Variants in STPG4 observed in about 807,000 individuals in gnomAD.
STPG4 encodes protein STPG4.
In STPG4, 41 loss-of-function variants were observed where a neutral mutation model predicts 31.5. That is an observed-to-expected ratio of 1.30 (90% CI 1.01 to 1.69). The LOEUF (loss-of-function observed/expected upper bound fraction) is 1.69, where lower values mean the gene tolerates loss of function less well. Among genes scored for constraint, STPG4 ranks in the 40% most tolerant of loss-of-function variants. The pLI, the probability that STPG4 is intolerant of heterozygous loss-of-function variation, is 0.00. For synonymous variants in STPG4, 141 were observed against 103.0 expected (o/e 1.37, Z -2.24); for missense variants, 375 against 293.4 (o/e 1.28, Z -2.03).
intron 3 of STPG4, among the ~76,000 whole-genome samples, chr2:47,135,530 G>A (rs1189634605): frequency 6.6e-6 from 1 of 152,048 alleles, no homozygotes; most frequent in Non-Finnish European, 1.5e-5. Flanking sequence ...AGGATTACAG[G>A]CACCCGCCAC....
intron 5 of STPG4, among the ~76,000 whole-genome samples, chr2:47,120,504 T>C (rs1686246166): frequency 6.6e-6 from 1 of 152,030 alleles, no homozygotes; most frequent in African/African-American, 2.4e-5. Context: ...GAGGTGGAGC[T>C]TGCAGTGAGC....
chr2:47,088,577 G>C (rs999609776), intron 6 of STPG4, among the ~76,000 whole-genome samples: 2 of 152,202 alleles, frequency 1.3e-5, no homozygotes, highest in Non-Finnish European at 2.9e-5. Flanking sequence ...GTCTCTCTAA[G>C]ACAAAGAGGC....
intron 5 of STPG4, among the ~76,000 whole-genome samples, chr2:47,111,382 A>G (rs923005954): frequency 6.6e-6 from 1 of 152,240 alleles, no homozygotes; most frequent in African/African-American, 2.4e-5. Context: ...TTCAGGAGGG[A>G]ATAAAATCAT....
chr2:47,103,928 T>C (rs112039642), intron 5 of STPG4, among the ~76,000 whole-genome samples: 1 of 151,968 alleles, frequency 6.6e-6, no homozygotes, highest in African/African-American at 2.4e-5. Context: ...TCAAGATCCA[T>C]TACCATCTGA....
intron 5 of STPG4, among the ~76,000 whole-genome samples, chr2:47,106,961 C>T (rs1222435939): frequency 6.6e-6 from 1 of 152,042 alleles, no homozygotes; most frequent in East Asian, 1.9e-4. Flanking sequence ...GGCACTTCCA[C>T]TGGCCTAGAG....
At chr2:47,091,959 T>C (rs1177618072) in intron 5 of STPG4, among the ~76,000 whole-genome samples, 1 of 150,456 alleles carries the variant, frequency 6.6e-6, no homozygotes, top group African/African-American at 2.5e-5. Context: ...CAGTCCAGTG[T>C]TGATGAGTTT....
intron 3 of STPG4, among the ~76,000 whole-genome samples, chr2:47,135,474 C>T (rs753955904): frequency 3.4e-4 from 51 of 152,102 alleles, no homozygotes; most frequent in Non-Finnish European, 5.3e-4. Flanking sequence ...GCAACCTGCA[C>T]CTCCCAGGTT....
intron 5 of STPG4, among the ~76,000 whole-genome samples, chr2:47,102,215 A>G (rs559483645): frequency 9.9e-5 from 15 of 151,538 alleles, no homozygotes; most frequent in Non-Finnish European, 1.8e-4. Flanking sequence ...TATTCCAATC[A>G]GCAGGGTCCA....
chr2:47,153,995 GAACAC>G (rs1049470023), intron 1 of STPG4, among the ~76,000 whole-genome samples: 29 of 152,226 alleles, frequency 1.9e-4, no homozygotes, highest in African/African-American at 6.5e-4. Context: ...ATTGTCCACA[GAACAC>G]AACCGTTTAG....
At position 47,141,325 on chromosome 2, in the gene STPG4, CA is replaced by C. The variant is rs57032767; in HGVS notation, c.399+9932del. On this transcript the variant is annotated intron_variant, in intron 3 of 6. Transcript: ENST00000445927. ...AGAAATAAACAACATGGGACTTTCT[CA>C]AAAAAAAAAAAAAAAGAAGAAAGAA... 6.2e-3 allele frequency among the ~76,000 whole-genome samples: 725 copies of C among 116,214 alleles called. 3 individuals are homozygous for C. The highest frequency in any genetic ancestry group is 0.04 in the East Asian group (181 of 4,498). 76.2% of individuals were successfully genotyped at this position (116,214 alleles called of 152,430 possible).
At position 47,144,348 on chromosome 2, in the gene STPG4, A is replaced by T. The variant is rs1042130480; in HGVS notation, c.399+6910T>A. ...ACCACAGGGGATGGCTGAATATATT[A>T]GGATATGTCCATATACAAGAAAACT... On this transcript the variant is annotated intron_variant, in intron 3 of 6. Coordinates refer to ENST00000445927, the MANE Select transcript of STPG4 (RefSeq NM_001163561.2). 2.6e-5 allele frequency among the ~76,000 whole-genome samples: 4 copies of T among 152,284 alleles called. 1 individual carries two copies. In the East Asian group the frequency reaches 5.8e-4, roughly 22 times the overall value.
intron 5 of STPG4, among the ~76,000 whole-genome samples, chr2:47,099,600 C>A (rs1037385360): frequency 6.6e-6 from 1 of 152,272 alleles, no homozygotes; most frequent in Non-Finnish European, 1.5e-5. Context: ...TCGCTCTCGG[C>A]GCCTCCTCTG....
rs200093381 is a variant in STPG4, at chr2:47,155,237, G to A, written c.15C>T (p.Ala5=). ...TTATTGAGGTGGAAGCGGTGGCGAC[G>A]GCTGGCTGGTCCATGGTGGCCTCCT... MDQP[A]VATASTSIRE... Residue 5 remains alanine (A), a synonymous_variant, in exon 1 of 7, where the codon GCC becomes GCT. Coordinates refer to ENST00000445927, the MANE Select transcript of STPG4 (RefSeq NM_001163561.2). 7 of 1,614,090 alleles carry A rather than the reference G, an allele frequency of 4.3e-6. No homozygotes were observed. In the East Asian group the frequency reaches 1.1e-4, roughly 26 times the overall value.
intron 4 of STPG4, 61 bp downstream of exon 4, chr2:47,130,135 G>A: frequency 6.6e-7 from 1 of 1,518,690 alleles, no homozygotes; most frequent in Middle Eastern, 1.7e-4. Context: ...TTAAAAGCCA[G>A]GAGTATTGGC....
rs564835603 is a variant in STPG4, at chr2:47,090,421, A to G, written c.520-47T>C. On this transcript the variant is annotated intron_variant, in intron 5 of 6. Transcript: ENST00000445927. ...GCTTCATTATTATTGTACATTTGATATATTTTAAGGCTTTATTTGCCTTCT... is the reference window on the plus strand; with the variant it reads ...GCTTCATTATTATTGTACATTTGATGTATTTTAAGGCTTTATTTGCCTTCT... 6.3e-5 allele frequency: 78 copies of G among 1,229,560 alleles called. No homozygotes were observed. In the South Asian group the frequency reaches 9.9e-4, roughly 16 times the overall value. 76.2% of individuals were successfully genotyped at this position (1,229,560 alleles called of 1,614,324 possible). A position where few individuals can be genotyped will look rare whatever the true frequency, so the allele number is the denominator to read the frequency against.
intron 5 of STPG4, among the ~76,000 whole-genome samples, chr2:47,102,557 TGAGA>T (rs1280869364): frequency 1.3e-5 from 2 of 151,794 alleles, no homozygotes; most frequent in African/African-American, 4.9e-5. Context: ...TTCTTTTCAT[TGAGA>T]GAGAATACAC....
At chr2:47,103,231 C>T (rs144561337) in intron 5 of STPG4, among the ~76,000 whole-genome samples, 4,887 of 151,926 alleles carry the variant, frequency 0.032, 377 homozygotes, top group African/African-American at 0.11. Flanking sequence ...TGATGTCCAC[C>T]GTAACTCAGG....
At chr2:47,097,899 CTT>C (rs1685706387) in intron 5 of STPG4, among the ~76,000 whole-genome samples, 2 of 149,718 alleles carry the variant, frequency 1.3e-5, no homozygotes. Context: ...GGGTAGATCT[CTT>C]GAGGCCAGGA....
chr2:47,120,574 A>G (rs1400471153), intron 5 of STPG4, among the ~76,000 whole-genome samples: 4 of 152,128 alleles, frequency 2.6e-5, no homozygotes, highest in African/African-American at 9.7e-5. Context: ...CTCAAAAAAA[A>G]AAAAGAATGT....
Sources: allele counts gnomAD v4.1 joint callset (sites outside exome capture counted in the v4.1 genomes callset), GRCh38; gene constraint gnomAD v4.1.1; transcripts MANE v1.5; gene names NCBI Gene and HGNC (gene_info 2026-07-23, HGNC 2026-07-21).